SLX4IP: variants seen among roughly 807,000 people sequenced by gnomAD.
SLX4IP encodes SLX4 interacting protein, also known as protein SLX4IP.
In SLX4IP, 34 loss-of-function variants were observed where a neutral mutation model predicts 32.9. The ratio of observed to expected loss-of-function variants is 1.03; its 90% confidence interval spans 0.79 to 1.38. The LOEUF (loss-of-function observed/expected upper bound fraction) is 1.38. Ranked by LOEUF, SLX4IP falls within the 40% of genes most tolerant of loss-of-function variation. The probability of loss-of-function intolerance (pLI) is 0.00; values close to 1 mark genes in which losing one functional copy is unlikely to be tolerated. For missense variants in SLX4IP, 444 were observed against 479.0 expected (o/e 0.93, Z 0.68); for synonymous variants, 172 against 171.7 (o/e 1.00, Z -0.01).
chr20:10,556,390 A>G, intron 3 of SLX4IP, 70 bp downstream of exon 3: 1 of 1,441,894 alleles, frequency 6.9e-7, no homozygotes, highest in Non-Finnish European at 9.6e-7. Context: ...AGCTCTTTCC[A>G]GCTTTCATTT....
At chr20:10,610,526 G>A (rs1568770776) in intron 6 of SLX4IP, among the ~76,000 whole-genome samples, 1 of 152,218 alleles carries the variant, frequency 6.6e-6, no homozygotes. Flanking sequence ...CAGATGGCTT[G>A]GCCATCCAGA....
intron 2 of SLX4IP, among the ~76,000 whole-genome samples, chr20:10,486,334 A>C (rs6039984): frequency 9.8e-5 from 14 of 143,420 alleles, no homozygotes; most frequent in African/African-American, 3.4e-4. Context: ...AGATGAAGAC[A>C]TTACCATGCA....
intron 2 of SLX4IP, among the ~76,000 whole-genome samples, chr20:10,472,389 C>T (rs2122364208): frequency 6.6e-6 from 1 of 152,166 alleles, no homozygotes; most frequent in Non-Finnish European, 1.5e-5. Flanking sequence ...TGCCACCACG[C>T]CCGGCTAATT....
intron 1 of SLX4IP, among the ~76,000 whole-genome samples, chr20:10,449,221 A>T (rs1391033293): frequency 6.6e-6 from 1 of 152,230 alleles, no homozygotes; most frequent in African/African-American, 2.4e-5. Context: ...CAGATGTGTT[A>T]TGGGCTTTAT....
chr20:10,511,495 C>CT (rs2065807725), intron 2 of SLX4IP, among the ~76,000 whole-genome samples: 1 of 152,354 alleles, frequency 6.6e-6, no homozygotes, highest in South Asian at 2.1e-4. Context: ...AATCTGCCTC[C>CT]TTGAAACCTA....
intron 1 of SLX4IP, among the ~76,000 whole-genome samples, chr20:10,457,729 T>G (rs957206043): frequency 1.3e-5 from 2 of 152,174 alleles, no homozygotes; most frequent in Admixed American, 6.5e-5. Context: ...TTTGAGAAAT[T>G]TTTCTTATGC....
chr20:10,582,122 T>C (rs1223286546), intron 4 of SLX4IP, among the ~76,000 whole-genome samples: 2 of 152,154 alleles, frequency 1.3e-5, no homozygotes, highest in Admixed American at 6.5e-5. Flanking sequence ...GAAAAATATC[T>C]AAATAAAAGG....
chr20:10,557,350 T>G (rs564995696), intron 3 of SLX4IP, among the ~76,000 whole-genome samples: 1 of 152,198 alleles, frequency 6.6e-6, no homozygotes, highest in African/African-American at 2.4e-5. Flanking sequence ...CTGTCATTAT[T>G]TTGCAAAGAA....
intron 1 of SLX4IP, 91 bp from the exon 2 acceptor site, chr20:10,458,085 A>G: frequency 1.4e-6 from 1 of 726,658 alleles, no homozygotes; most frequent in Non-Finnish European, 2.1e-6. Context: ...ACCTATTGAT[A>G]TTTTACTATT....
chr20:10,497,887 C>T (rs2065682135), intron 2 of SLX4IP, among the ~76,000 whole-genome samples: 1 of 151,832 alleles, frequency 6.6e-6, no homozygotes, highest in African/African-American at 2.4e-5. Flanking sequence ...TGCAATCCTT[C>T]CACCAATCTT....
intron 6 of SLX4IP, among the ~76,000 whole-genome samples, chr20:10,602,354 T>C (rs920301116): frequency 2.0e-5 from 3 of 152,138 alleles, no homozygotes; most frequent in Non-Finnish European, 4.4e-5. Flanking sequence ...GTCTCCCTTT[T>C]CTCATGCTAA....
At chr20:10,529,186 A>G (rs111824126) in intron 2 of SLX4IP, among the ~76,000 whole-genome samples, 4,478 of 152,300 alleles carry the variant, frequency 0.029, 111 homozygotes, top group Admixed American at 0.09. Context: ...GAGTAAGTAG[A>G]TTGATTTTCC....
Position 10,510,666 on chromosome 20 carries a change from G to T in SLX4IP, c.28-45565G>T, listed in dbSNP as rs182633462. 3.3e-3 allele frequency among the ~76,000 whole-genome samples: 497 copies of T among 150,832 alleles called. 2 individuals are homozygous for T. The highest frequency in any genetic ancestry group is 0.012 in the African/African-American group (479 of 41,098). ...TGTCACCAGACTGGACTGCAGTGGC[G>T]CAATCTCGGCTCACTGCAACCTCCA... On this transcript the variant is annotated intron_variant, in intron 2 of 7. Transcript: ENST00000334534.
intron 6 of SLX4IP, among the ~76,000 whole-genome samples, chr20:10,609,764 A>G (rs1052429173): frequency 1.3e-5 from 2 of 152,080 alleles, no homozygotes; most frequent in Non-Finnish European, 1.5e-5. Context: ...GCACTTTTCA[A>G]CCACAGGCCT....
At chr20:10,436,349 G>A (rs560853728) in intron 1 of SLX4IP, among the ~76,000 whole-genome samples, 3 of 138,568 alleles carry the variant, frequency 2.2e-5, no homozygotes, top group South Asian at 4.4e-4. Flanking sequence ...TAAAGATACA[G>A]CCCTTTCTTT....
At position 10,623,344 on chromosome 20, in the gene SLX4IP, A is replaced by T. The variant is rs531154354; in HGVS notation, c.1192A>T (p.Thr398Ser). ...ERLSTIQNSP[T>S]KKRKKYERGH Reference sequence around the variant, plus strand: ...ATTATCTACAATTCAGAACAGCCCAACCAAGAAAAGAAAGAAATACGAAAG... The same window carrying T: ...ATTATCTACAATTCAGAACAGCCCATCCAAGAAAAGAAAGAAATACGAAAG... The change falls in exon 8 of 8, where the codon ACC (threonine) becomes TCC (serine). Residue 398 changes from threonine to serine, a missense_variant. By Grantham distance (58) the Thr-to-Ser change is moderately conservative (BLOSUM62 1). Coordinates refer to ENST00000334534, the MANE Select transcript of SLX4IP (RefSeq NM_001009608.3). 1 of 1,612,244 alleles carries T rather than the reference A, an allele frequency of 6.2e-7. No individual in the cohort carries two copies. Among genetic ancestry groups the T allele is most frequent in the South Asian group, 1.1e-5 (1 of 90,932 alleles).
At chr20:10,476,628 T>C (rs2122373278) in intron 2 of SLX4IP, among the ~76,000 whole-genome samples, 1 of 152,358 alleles carries the variant, frequency 6.6e-6, no homozygotes, top group Non-Finnish European at 1.5e-5. Flanking sequence ...GACAGTGCAT[T>C]CTTGATCTGC....
At chr20:10,497,759 A>G (rs572782135) in intron 2 of SLX4IP, among the ~76,000 whole-genome samples, 1 of 152,188 alleles carries the variant, frequency 6.6e-6, no homozygotes, top group Admixed American at 6.5e-5. Flanking sequence ...TTTTCTTAAT[A>G]TTAGAATTCT....
At chr20:10,600,275 C>T (rs1407271773) in intron 5 of SLX4IP, among the ~76,000 whole-genome samples, 1 of 152,120 alleles carries the variant, frequency 6.6e-6, no homozygotes, top group Non-Finnish European at 1.5e-5. Context: ...AAAACCCAGG[C>T]CCCCACCTGA....
Sources: allele counts gnomAD v4.1 joint callset (sites outside exome capture counted in the v4.1 genomes callset), GRCh38; gene constraint gnomAD v4.1.1; transcripts MANE v1.5; gene names NCBI Gene and HGNC (gene_info 2026-07-23, HGNC 2026-07-21).